The following TMEM135 variants were observed in gnomAD, a reference collection of about 807,000 sequenced individuals.
TMEM135 encodes the protein transmembrane protein 135.
Under a neutral mutation model 60.3 loss-of-function variants are expected in TMEM135, and 30 were observed. The ratio of observed to expected loss-of-function variants is 0.50; its 90% CI spans 0.37 to 0.68. The LOEUF (loss-of-function observed/expected upper bound fraction) is 0.68, where lower values mean the gene tolerates loss of function less well. TMEM135 is among the 30% of genes least tolerant of loss of function. The pLI, the probability that TMEM135 is intolerant of heterozygous loss-of-function variation, is 0.00. For missense variants in TMEM135, 468 were observed against 548.8 expected (o/e 0.85, Z 1.47); for synonymous variants, 190 against 186.7 (o/e 1.02, Z -0.14).
intron 1 of TMEM135, among the ~76,000 whole-genome samples, chr11:87,063,621 G>A (rs1216999397): frequency 6.6e-6 from 1 of 152,208 alleles, no homozygotes; most frequent in Non-Finnish European, 1.5e-5. Context: ...GGGGAAAACA[G>A]AGGCAGTGGT....
chr11:87,293,048 A>G (rs1056372014), intron 6 of TMEM135, among the ~76,000 whole-genome samples: 1 of 152,220 alleles, frequency 6.6e-6, no homozygotes, highest in African/African-American at 2.4e-5. Flanking sequence ...TCCCAGTTAT[A>G]CATAATCTTT....
intron 6 of TMEM135, among the ~76,000 whole-genome samples, chr11:87,294,509 G>A (rs1358888266): frequency 1.3e-5 from 2 of 152,246 alleles, no homozygotes; most frequent in Admixed American, 6.5e-5. Flanking sequence ...TCAGCCTCCC[G>A]AGTAGCTGGG....
At chr11:87,039,825 C>T (rs761097399) in intron 1 of TMEM135, among the ~76,000 whole-genome samples, 2 of 152,234 alleles carry the variant, frequency 1.3e-5, no homozygotes, top group Non-Finnish European at 2.9e-5. Flanking sequence ...TTAATTCATT[C>T]ACTTAACAAA....
At chr11:87,312,928 T>C (rs1335457435) in intron 10 of TMEM135, among the ~76,000 whole-genome samples, 5 of 151,946 alleles carry the variant, frequency 3.3e-5, no homozygotes, top group Non-Finnish European at 7.4e-5. Flanking sequence ...TAGTTCTAAA[T>C]TTTTGTCTGG....
At chr11:87,248,120 T>A (rs1051341615) in intron 6 of TMEM135, among the ~76,000 whole-genome samples, 17 of 152,228 alleles carry the variant, frequency 1.1e-4, no homozygotes, top group African/African-American at 3.6e-4. Context: ...CTTATATTGC[T>A]TGCAAATCTT....
At chr11:87,266,504 C>T (rs1448731468) in intron 6 of TMEM135, among the ~76,000 whole-genome samples, 2 of 152,056 alleles carry the variant, frequency 1.3e-5, no homozygotes, top group Non-Finnish European at 2.9e-5. Flanking sequence ...ATTTTCCTGG[C>T]CATCAAACTT....
chr11:87,204,377 A>C (rs796916243), intron 5 of TMEM135, among the ~76,000 whole-genome samples: 25 of 152,128 alleles, frequency 1.6e-4, no homozygotes, highest in African/African-American at 6.0e-4. Flanking sequence ...CCTAGAGAGT[A>C]CCTTTTGTCC....
Position 87,259,099 on chromosome 11 carries a change from G to A in TMEM135, c.509+22415G>A, listed in dbSNP as rs141126687. 9.9e-4 allele frequency: 971 copies of A among 980,352 alleles called. 6 individuals carry two copies. The African/African-American group carries it at 0.014, about 14-fold the overall frequency. The allele number at this position is 980,352 out of a possible 1,614,324, so 60.7% of individuals were successfully genotyped here. A position where few individuals can be genotyped will look rare whatever the true frequency, so the allele number is the denominator to read the frequency against. ...AAAGAAGAGGTTCTGGCCGCAGACC[G>A]GACCCTCTTCGGAAACATCTCCATC... On this transcript the variant is annotated intron_variant, in intron 6 of 14. Coordinates refer to ENST00000305494, the MANE Select transcript of TMEM135 (RefSeq NM_022918.4).
intron 4 of TMEM135, among the ~76,000 whole-genome samples, chr11:87,101,942 C>T (rs1857467310): frequency 6.6e-6 from 1 of 152,094 alleles, no homozygotes; most frequent in Non-Finnish European, 1.5e-5. Flanking sequence ...CATTGCACTT[C>T]AGCCTGGGCA....
At chr11:87,055,215 A>G (rs1035818786) in intron 1 of TMEM135, among the ~76,000 whole-genome samples, 4 of 152,200 alleles carry the variant, frequency 2.6e-5, no homozygotes, top group African/African-American at 9.6e-5. Flanking sequence ...ATGCACATAT[A>G]TTAGGTTTAA....
intron 5 of TMEM135, among the ~76,000 whole-genome samples, chr11:87,202,155 A>G (rs1013410173): frequency 1.3e-5 from 2 of 151,970 alleles, no homozygotes; most frequent in Non-Finnish European, 2.9e-5. Flanking sequence ...CCCCCCAAGT[A>G]TCTGGGACTA....
chr11:87,236,888 T>C (rs926696110), intron 6 of TMEM135, among the ~76,000 whole-genome samples: 1 of 151,662 alleles, frequency 6.6e-6, no homozygotes, highest in Non-Finnish European at 1.5e-5. Flanking sequence ...GAAGACTTAT[T>C]CTCCCCACCC....
intron 5 of TMEM135, among the ~76,000 whole-genome samples, chr11:87,221,203 A>G (rs1253283408): frequency 6.6e-6 from 1 of 152,198 alleles, no homozygotes; most frequent in Admixed American, 6.5e-5. Flanking sequence ...TTGAGGGGCT[A>G]AAATACCATA....
At position 87,328,500 on chromosome 11, in the gene TMEM135, C is replaced by A; in HGVS notation, c.*7167C>A. 2.2e-6 allele frequency: 1 copy of A among 453,958 alleles called. No homozygotes were observed. The highest frequency in any genetic ancestry group is 4.4e-6 in the Non-Finnish European group (1 of 226,766). 28.1% of individuals were successfully genotyped at this position (453,958 alleles called of 1,614,324 possible). On this transcript the variant is annotated 3_prime_UTR_variant, in exon 15 of 15. Transcript: ENST00000305494. ...GTACCCAATATATAGCTTTTTATTC[C>A]TTCCCCTTCTGAGTCTCCATAGTCC... is the stretch of plus-strand genomic sequence containing the variant.
At chr11:87,111,168 A>G (rs1159006141) in intron 4 of TMEM135, among the ~76,000 whole-genome samples, 2 of 152,070 alleles carry the variant, frequency 1.3e-5, no homozygotes, top group African/African-American at 4.8e-5. Context: ...TTTTTCTCCC[A>G]TCTCTACTTT....
intron 4 of TMEM135, among the ~76,000 whole-genome samples, chr11:87,134,097 AAACAGCAGAGATTTATTTTCT>A (rs1565455896): frequency 6.6e-6 from 1 of 152,132 alleles, no homozygotes; most frequent in Non-Finnish European, 1.5e-5. Flanking sequence ...TGTGTGGCTT[AAACAGCAGAGATTTATTTTCT>A]AACAGTTCTA....
At chr11:87,290,916 T>C (rs1942251471) in intron 6 of TMEM135, among the ~76,000 whole-genome samples, 1 of 152,216 alleles carries the variant, frequency 6.6e-6, no homozygotes, top group Non-Finnish European at 1.5e-5. Context: ...AAATGCATTA[T>C]TTTTATGTGC....
chr11:87,257,690 T>C (rs993034177), intron 6 of TMEM135, among the ~76,000 whole-genome samples: 3 of 152,148 alleles, frequency 2.0e-5, no homozygotes, highest in African/African-American at 2.4e-5. Flanking sequence ...TCTGTAGAGA[T>C]AAAAATTAGA....
At chr11:87,193,450 ATTTTCCCATTTAT>A (rs984605091) in intron 5 of TMEM135, among the ~76,000 whole-genome samples, 34 of 152,014 alleles carry the variant, frequency 2.2e-4, no homozygotes, top group Non-Finnish European at 4.4e-4. Flanking sequence ...CTTCTGTTTT[ATTTTCCCATTTAT>A]TTTTCCCAAG....
Sources: gnomAD v4.1 joint callset for allele counts (sites outside exome capture counted in the v4.1 genomes callset) on GRCh38, gnomAD v4.1.1 for gene constraint, MANE v1.5 for transcripts, NCBI Gene and HGNC (gene_info 2026-07-23, HGNC 2026-07-21) for gene names.